HDAC9: variants seen among roughly 807,000 people sequenced by gnomAD.
HDAC9 encodes the protein MEF-2 interacting transcription repressor (MITR) protein.
A neutral mutation model predicts 139.4 loss-of-function variants in HDAC9; 41 were observed. The ratio of observed to expected loss-of-function variants is 0.29; its 90% CI spans 0.23 to 0.38. HDAC9 has a LOEUF of 0.38. Among genes scored for constraint, HDAC9 ranks in the 10% least tolerant of loss-of-function variants. The pLI, the probability that HDAC9 is intolerant of heterozygous loss-of-function variation, is 1.00. For synonymous variants in HDAC9, 517 were observed against 476.2 expected (o/e 1.09, Z -1.12); for missense variants, 1,147 against 1,297.0 (o/e 0.88, Z 1.78).
At chr7:18,927,304 C>A (rs1482405076) in intron 22 of HDAC9, among the ~76,000 whole-genome samples, 8 of 152,136 alleles carry the variant, frequency 5.3e-5, no homozygotes, top group Non-Finnish European at 4.4e-5. Context: ...AAAGGTATTT[C>A]TGTGGAAAGC....
chr7:18,921,698 TAC>T (rs1355624325), intron 22 of HDAC9, among the ~76,000 whole-genome samples: 12 of 152,122 alleles, frequency 7.9e-5, no homozygotes, highest in Non-Finnish European at 1.8e-4. Flanking sequence ...GAACTAGAAA[TAC>T]CATTTGACCC....
intron 1 of HDAC9, among the ~76,000 whole-genome samples, chr7:18,308,638 T>C (rs970569471): frequency 6.6e-6 from 1 of 152,226 alleles, no homozygotes; most frequent in South Asian, 2.1e-4. Context: ...TATTAATCTT[T>C]TTCTTGTGTC....
chr7:18,339,847 G>A (rs1286435692), intron 1 of HDAC9, among the ~76,000 whole-genome samples: 2 of 151,402 alleles, frequency 1.3e-5, no homozygotes, highest in South Asian at 4.2e-4. Context: ...TATTCAATAT[G>A]CATTTGAAAA....
intron 12 of HDAC9, among the ~76,000 whole-genome samples, chr7:18,689,256 A>G (rs1191026349): frequency 6.6e-6 from 1 of 151,348 alleles, no homozygotes; most frequent in African/African-American, 2.4e-5. Context: ...TTTCCCTCCC[A>G]CCGTAGGATA....
chr7:18,746,332 A>C (rs1267709161), intron 13 of HDAC9, among the ~76,000 whole-genome samples: 1 of 152,230 alleles, frequency 6.6e-6, no homozygotes, highest in African/African-American at 2.4e-5. Context: ...TTGTGAAGAC[A>C]CGTCTTACAC....
intron 1 of HDAC9, among the ~76,000 whole-genome samples, chr7:18,472,133 A>G (rs1794775239): frequency 6.6e-6 from 1 of 152,192 alleles, no homozygotes; most frequent in Admixed American, 6.5e-5. Flanking sequence ...TTTAGCTGGA[A>G]GATTTGATTT....
intron 1 of HDAC9, among the ~76,000 whole-genome samples, chr7:18,349,307 TACACACACACACACACACACACACAC>T (rs3138825): frequency 1.5e-4 from 19 of 125,820 alleles, no homozygotes; most frequent in East Asian, 2.5e-4. Context: ...TGAGAACATC[TACACACACACACACACACACACACAC>T]ACACACACAC....
chr7:18,582,019 A>T (rs749853162), intron 2 of HDAC9, among the ~76,000 whole-genome samples: 23 of 152,238 alleles, frequency 1.5e-4, no homozygotes, highest in Non-Finnish European at 2.9e-4. Context: ...GCAACCCAAG[A>T]TTGATATCAG....
chr7:18,187,980 C>T (rs1265141050), intron 2 of HDAC9, among the ~76,000 whole-genome samples: 1 of 152,164 alleles, frequency 6.6e-6, no homozygotes, highest in East Asian at 1.9e-4. Context: ...ACATTCTTCA[C>T]AGAATTAGAA....
chr7:18,989,907 G>A (rs903524993), intron 25 of HDAC9, among the ~76,000 whole-genome samples: 4 of 151,108 alleles, frequency 2.6e-5, no homozygotes, highest in Non-Finnish European at 4.4e-5. Context: ...AGCTCCATCA[G>A]CTCCTTTAAG....
intron 25 of HDAC9, among the ~76,000 whole-genome samples, chr7:18,987,226 A>G (rs900916309): frequency 6.6e-6 from 1 of 152,160 alleles, no homozygotes; most frequent in African/African-American, 2.4e-5. Flanking sequence ...GCTCTTATTA[A>G]TTTGGAATAC....
intron 16 of HDAC9, among the ~76,000 whole-genome samples, chr7:18,790,459 C>T (rs1398316662): frequency 6.6e-6 from 1 of 152,176 alleles, no homozygotes; most frequent in Non-Finnish European, 1.5e-5. Flanking sequence ...GGAGAGTCCT[C>T]ACCAGTCACC....
chr7:18,916,116 T>C (rs534161207), intron 22 of HDAC9, among the ~76,000 whole-genome samples: 5 of 151,624 alleles, frequency 3.3e-5, no homozygotes, highest in African/African-American at 4.8e-5. Flanking sequence ...TTTCTTGGGA[T>C]GACGGAAGCA....
intron 1 of HDAC9, among the ~76,000 whole-genome samples, chr7:18,090,737 C>T (rs1349237253): frequency 7.2e-6 from 1 of 139,830 alleles, no homozygotes; most frequent in African/African-American, 3.0e-5. Context: ...GTCTATTTCT[C>T]TCATCAGCTC....
At chr7:18,805,933 C>G (rs774659984) in intron 17 of HDAC9, among the ~76,000 whole-genome samples, 1 of 152,198 alleles carries the variant, frequency 6.6e-6, no homozygotes, top group Non-Finnish European at 1.5e-5. Context: ...ATAGCCTCCT[C>G]TCCCCAACAC....
intron 12 of HDAC9, chr7:18,667,493 G>A (rs1299391141): frequency 2.0e-6 from 2 of 984,298 alleles, no homozygotes; most frequent in African/African-American, 1.7e-5. Flanking sequence ...AAATTTACTT[G>A]TATATAATGC....
rs535013909 is a variant in HDAC9, at chr7:18,846,167, C to G, written c.2684+10170C>G. Among the ~76,000 whole-genome samples, 11 of 152,290 alleles carry G rather than the reference C, an allele frequency of 7.2e-5. No individual in the cohort carries two copies. The South Asian group carries it at 2.1e-3, about 29-fold the overall frequency. On this transcript the variant is annotated intron_variant, in intron 21 of 25. Coordinates refer to ENST00000686413, the MANE Select transcript of HDAC9 (RefSeq NM_178425.4). ...AGTTTTTAATTCAATGATTTTAATT[C>G]TCAATGTTCTTCTCCTCCCTGAATA... is the stretch of plus-strand genomic sequence containing the variant.
rs112377826 is a variant in HDAC9 at position 18,744,047 on chromosome 7, G to A, written c.1910-4958G>A. 2.4e-3 allele frequency among the ~76,000 whole-genome samples: 280 copies of A among 117,334 alleles called. 1 individual carries two copies. The highest frequency in any genetic ancestry group is 9.0e-3 in the African/African-American group (267 of 29,606). The allele number at this position is 117,334 out of a possible 152,430, so 77.0% of individuals were successfully genotyped here. A position where few individuals can be genotyped will look rare whatever the true frequency, so the allele number is the denominator to read the frequency against. ...TTTTTTTTTTTTGAGATGGAGTTTCGCTCTTGTTACCCAGGCTGGAGTGCA... is the reference window on the plus strand; with the variant it reads ...TTTTTTTTTTTTGAGATGGAGTTTCACTCTTGTTACCCAGGCTGGAGTGCA... On this transcript the variant is annotated intron_variant, in intron 13 of 25. Transcript: ENST00000686413.
chr7:18,198,999 A>G (rs1346535553), intron 2 of HDAC9, among the ~76,000 whole-genome samples: 1 of 152,150 alleles, frequency 6.6e-6, no homozygotes, highest in South Asian at 2.1e-4. Flanking sequence ...TTTGTCATTT[A>G]TCACCTATAG....
Sources: allele counts gnomAD v4.1 joint callset (sites outside exome capture counted in the v4.1 genomes callset), GRCh38; gene constraint gnomAD v4.1.1; transcripts MANE v1.5; gene names NCBI Gene and HGNC (gene_info 2026-07-23, HGNC 2026-07-21).